Variants in OSBPL9 observed in about 807,000 individuals in gnomAD.
OSBPL9 encodes the protein oxysterol-binding protein-related protein 9.
Under a neutral mutation model 106.6 loss-of-function variants are expected in OSBPL9, and 40 were observed. The observed-to-expected ratio is 0.38, with a 90% CI of 0.29 to 0.49. The LOEUF is 0.49. Among genes scored for constraint, OSBPL9 ranks in the 20% least tolerant of loss-of-function variants. OSBPL9 has a pLI of 0.97. For synonymous variants in OSBPL9, 269 were observed against 295.4 expected (o/e 0.91, Z 0.92); for missense variants, 609 against 887.2 (o/e 0.69, Z 3.98).
chr1:51,782,585 C>G lies in OSBPL9; in HGVS notation c.1455C>G (p.Pro485=). 1 of 1,614,014 alleles carries G rather than the reference C, an allele frequency of 6.2e-7. No individual in the cohort carries two copies. The highest frequency in any genetic ancestry group is 8.5e-7 in the Non-Finnish European group (1 of 1,179,928). Residue 485 remains proline (P), a synonymous_variant, in exon 17 of 24, where the codon CCC becomes CCG. Coordinates refer to ENST00000428468, the MANE Select transcript of OSBPL9 (RefSeq NM_024586.6). ...AACTAGTTTCAGAAGGACCAGTTCCCTGGGTTTCCAAAAACAGTGTAACAT... is the reference window on the plus strand; with the variant it reads ...AACTAGTTTCAGAAGGACCAGTTCCGTGGGTTTCCAAAAACAGTGTAACAT... ...NTELVSEGPV[P]WVSKNSVTFV...
chr1:51,696,968 T>C (rs1656151297), intron 3 of OSBPL9, among the ~76,000 whole-genome samples: 1 of 151,830 alleles, frequency 6.6e-6, no homozygotes, highest in South Asian at 2.1e-4. Flanking sequence ...CTGAGCAACA[T>C]AGCAAGACCC....
chr1:51,716,525 A>G (rs1030175341), intron 4 of OSBPL9, among the ~76,000 whole-genome samples: 2 of 152,246 alleles, frequency 1.3e-5, no homozygotes, highest in Non-Finnish European at 2.9e-5. Flanking sequence ...ATGCCTGGCT[A>G]TAGTAAAAAC....
intron 1 of OSBPL9, among the ~76,000 whole-genome samples, chr1:51,625,816 A>T (rs1476310690): frequency 6.6e-6 from 1 of 152,194 alleles, no homozygotes; most frequent in Non-Finnish European, 1.5e-5. Context: ...GAGCCACTGC[A>T]TTCAGCCCAG....
chr1:51,736,771 A>G (rs1233519298), intron 4 of OSBPL9, among the ~76,000 whole-genome samples: 2 of 152,122 alleles, frequency 1.3e-5, no homozygotes, highest in African/African-American at 2.4e-5. Context: ...AGGTTGGGGA[A>G]TGGAAGAATA....
At chr1:51,591,087 T>C (rs1282047883) in intron 1 of OSBPL9, among the ~76,000 whole-genome samples, 2 of 151,926 alleles carry the variant, frequency 1.3e-5, no homozygotes, top group African/African-American at 4.8e-5. Flanking sequence ...CCCAGCTAAT[T>C]TTTTGTATTT....
At chr1:51,642,010 G>A (rs1416333224) in intron 1 of OSBPL9, among the ~76,000 whole-genome samples, 2 of 152,278 alleles carry the variant, frequency 1.3e-5, no homozygotes, top group South Asian at 2.1e-4. Flanking sequence ...ATGGTAGCTA[G>A]CGTAAAGGCC....
At chr1:51,591,828 G>A (rs1289684979) in intron 1 of OSBPL9, among the ~76,000 whole-genome samples, 3 of 151,872 alleles carry the variant, frequency 2.0e-5, no homozygotes, top group African/African-American at 7.3e-5. Context: ...GAGAAATATT[G>A]GTATCTCGCT....
chr1:51,658,099 C>A (rs1646923102), intron 2 of OSBPL9, among the ~76,000 whole-genome samples: 1 of 150,540 alleles, frequency 6.6e-6, no homozygotes, highest in Admixed American at 6.6e-5. Context: ...CAGAGCAAGA[C>A]CCTGTCTCAA....
chr1:51,613,998 G>C (rs1316732400), upstream of OSBPL9, among the ~76,000 whole-genome samples: 1 of 152,046 alleles, frequency 6.6e-6, no homozygotes, highest in Non-Finnish European at 1.5e-5. Flanking sequence ...GCCCAGGCTG[G>C]TCTGTAACTC....
intron 11 of OSBPL9, 71 bp downstream of exon 11, chr1:51,762,042 T>C: frequency 9.2e-7 from 1 of 1,086,116 alleles, no homozygotes. Flanking sequence ...TGACCTCTGA[T>C]GAGGAGGGGG....
At chr1:51,658,419 C>G (rs1646947294) in intron 2 of OSBPL9, among the ~76,000 whole-genome samples, 1 of 151,780 alleles carries the variant, frequency 6.6e-6, no homozygotes, top group Non-Finnish European at 1.5e-5. Context: ...ATCTCAGATT[C>G]TGAAGAATTC....
intron 3 of OSBPL9, among the ~76,000 whole-genome samples, chr1:51,676,313 G>A (rs914056013): frequency 1.1e-4 from 17 of 151,688 alleles, no homozygotes; most frequent in African/African-American, 4.1e-4. Flanking sequence ...TGCTGTAGTC[G>A]CAGCTACTCA....
intron 1 of OSBPL9, among the ~76,000 whole-genome samples, chr1:51,636,093 T>G (rs947680649): frequency 6.6e-6 from 1 of 151,026 alleles, no homozygotes; most frequent in Admixed American, 6.6e-5. Flanking sequence ...TGTGTGTGTG[T>G]GTGTGTGTGT....
intron 2 of OSBPL9, among the ~76,000 whole-genome samples, chr1:51,605,929 A>C (rs1480211918): frequency 6.6e-6 from 1 of 152,052 alleles, no homozygotes; most frequent in Non-Finnish European, 1.5e-5. Flanking sequence ...GCAGTGAGCC[A>C]AGATCAGGCC....
chr1:51,657,931 C>T (rs1646913752), intron 2 of OSBPL9, among the ~76,000 whole-genome samples: 2 of 151,968 alleles, frequency 1.3e-5, no homozygotes, highest in South Asian at 4.2e-4. Flanking sequence ...GACCTCTTCT[C>T]TACAAACAAA....
chr1:51,666,214 G>T (rs539049481), intron 2 of OSBPL9, among the ~76,000 whole-genome samples: 1 of 152,286 alleles, frequency 6.6e-6, no homozygotes, highest in African/African-American at 2.4e-5. Context: ...TGAGAGAGAA[G>T]TTTGGTGCCG....
At chr1:51,678,381 C>G (rs544935017) in intron 3 of OSBPL9, among the ~76,000 whole-genome samples, 184 of 152,270 alleles carry the variant, frequency 1.2e-3, no homozygotes, top group African/African-American at 4.3e-3. Context: ...AATGCAGTGG[C>G]CGGGTGCAGT....
At position 51,782,625 on chromosome 1, in the gene OSBPL9, G is replaced by A; in HGVS notation, c.1495G>A (p.Val499Ile). Residue 499 changes from valine (V) to isoleucine (I), a missense_variant, in exon 17 of 24, where the codon GTT becomes ATT. Val to Ile is a conservative substitution (Grantham distance 29). Transcript: ENST00000428468. ...KNSVTFVAEQVSHHPPISAFY... is the reference protein window; with the variant it reads ...KNSVTFVAEQISHHPPISAFY... Reference sequence around the variant, plus strand: ...CAGTGTAACATTTGTGGCTGAGCAGGTTTCCCATCATCCACCCAGTAAGTT... The same window carrying A: ...CAGTGTAACATTTGTGGCTGAGCAGATTTCCCATCATCCACCCAGTAAGTT... 1.9e-6 allele frequency: 3 copies of A among 1,613,772 alleles called. No individual in the cohort carries two copies. Among genetic ancestry groups the A allele is most frequent in the Non-Finnish European group, 2.5e-6 (3 of 1,179,800 alleles).
chr1:51,695,713 T>C (rs1398813606), intron 3 of OSBPL9, among the ~76,000 whole-genome samples: 1 of 152,204 alleles, frequency 6.6e-6, no homozygotes, highest in African/African-American at 2.4e-5. Flanking sequence ...TATGTCGTTG[T>C]GAAATACTAA....
Sources: allele counts gnomAD v4.1 joint callset (sites outside exome capture counted in the v4.1 genomes callset), GRCh38; gene constraint gnomAD v4.1.1; transcripts MANE v1.5; gene names NCBI Gene and HGNC (gene_info 2026-07-23, HGNC 2026-07-21).